The following RELN variants were observed in gnomAD, a reference collection of about 807,000 sequenced individuals.
RELN encodes the protein reelin.
In RELN, 108 loss-of-function variants were observed where a neutral mutation model predicts 427.6. That is an observed-to-expected ratio of 0.25 (90% confidence interval 0.22 to 0.30). The LOEUF (loss-of-function observed/expected upper bound fraction) is 0.30. RELN is among the 10% of genes least tolerant of loss of function. The pLI is 1.00. For synonymous variants in RELN, 1,524 were observed against 1,513.4 expected, an observed-to-expected ratio of 1.01 and a Z score of -0.16; for missense variants, 3,715 against 4,302.8, an observed-to-expected ratio of 0.86 and a Z score of 3.82.
chr7:103,681,992 A>T, intron 11 of RELN, 124 bp downstream of exon 11: 1 of 968,496 alleles, frequency 1.0e-6, no homozygotes, highest in Non-Finnish European at 1.7e-6. Flanking sequence ...TGGCTTGTCT[A>T]CGATAAGAAT....
chr7:103,498,308 A>C, intron 53 of RELN, 56 bp from the exon 54 acceptor site: 1 of 1,489,818 alleles, frequency 6.7e-7, no homozygotes, highest in Non-Finnish European at 9.4e-7. Context: ...TAACTATGGA[A>C]TATTTAAGAA....
chr7:103,888,609 A>G (rs1301781117), intron 2 of RELN, among the ~76,000 whole-genome samples: 10 of 151,982 alleles, frequency 6.6e-5, no homozygotes, highest in Admixed American at 6.6e-4. Flanking sequence ...AGTAAAGAAG[A>G]CTCCCTGGCA....
intron 2 of RELN, among the ~76,000 whole-genome samples, chr7:103,843,016 C>T (rs1793590879): frequency 1.3e-5 from 2 of 152,118 alleles, no homozygotes; most frequent in Admixed American, 6.5e-5. Flanking sequence ...GAACCTTGCT[C>T]ACTGCCAAGG....
At chr7:103,962,959 G>T (rs772905994) in intron 1 of RELN, among the ~76,000 whole-genome samples, 1 of 151,966 alleles carries the variant, frequency 6.6e-6, no homozygotes, top group Non-Finnish European at 1.5e-5. Flanking sequence ...CCTAAGCCAG[G>T]GAAGACACTG....
chr7:103,876,743 T>TA (rs1436265430), intron 2 of RELN, among the ~76,000 whole-genome samples: 4 of 151,770 alleles, frequency 2.6e-5, no homozygotes, highest in African/African-American at 7.3e-5. Context: ...ATTCAAAATA[T>TA]AAAAAAATTA....
At chr7:103,907,392 T>G (rs1366469724) in intron 2 of RELN, among the ~76,000 whole-genome samples, 1 of 102,278 alleles carries the variant, frequency 9.8e-6, no homozygotes, top group Non-Finnish European at 1.8e-5. Flanking sequence ...CACTCCAGCC[T>G]GGGCAACAAG....
intron 20 of RELN, among the ~76,000 whole-genome samples, chr7:103,623,989 T>C (rs1208691228): frequency 6.6e-6 from 1 of 152,190 alleles, no homozygotes; most frequent in Non-Finnish European, 1.5e-5. Context: ...TCTGTCACAT[T>C]ATTATATAAT....
At chr7:103,522,856 C>CT (rs1829742395) in intron 47 of RELN, among the ~76,000 whole-genome samples, 1 of 152,208 alleles carries the variant, frequency 6.6e-6, no homozygotes, top group Non-Finnish European at 1.5e-5. Flanking sequence ...CACACACCCC[C>CT]ACACCTTCAT....
intron 46 of RELN, among the ~76,000 whole-genome samples, chr7:103,530,670 C>T (rs116651022): frequency 5.4e-4 from 82 of 152,264 alleles, no homozygotes; most frequent in African/African-American, 1.9e-3. Flanking sequence ...TGTGCTTCCC[C>T]TAGGCCCATA....
chr7:103,475,606 T>C (rs1233836728), intron 64 of RELN, among the ~76,000 whole-genome samples: 1 of 152,224 alleles, frequency 6.6e-6, no homozygotes, highest in Non-Finnish European at 1.5e-5. Context: ...TATTTTGTTA[T>C]CTCAATGCAA....
intron 37 of RELN, among the ~76,000 whole-genome samples, 195 bp from the exon 38 acceptor site, chr7:103,557,354 A>G (rs1830548243): frequency 6.6e-6 from 1 of 152,214 alleles, no homozygotes; most frequent in Admixed American, 6.5e-5. Flanking sequence ...TACACACCAA[A>G]GCTTGGATTT....
At chr7:103,695,607 T>G (rs1330841209) in intron 10 of RELN, among the ~76,000 whole-genome samples, 2 of 152,022 alleles carry the variant, frequency 1.3e-5, no homozygotes, top group African/African-American at 4.8e-5. Context: ...GCTAATTAGA[T>G]TAGTGTAATG....
intron 4 of RELN, among the ~76,000 whole-genome samples, chr7:103,776,195 A>G (rs1791738086): frequency 6.6e-6 from 1 of 152,258 alleles, no homozygotes; most frequent in African/African-American, 2.4e-5. Context: ...AAATGTTAAA[A>G]GCAATAATCA....
At chr7:103,731,141 G>T (rs938155141) in intron 6 of RELN, among the ~76,000 whole-genome samples, 1 of 152,208 alleles carries the variant, frequency 6.6e-6, no homozygotes, top group Admixed American at 6.6e-5. Context: ...AGCATACACT[G>T]GTTGCGATGG....
intron 3 of RELN, among the ~76,000 whole-genome samples, chr7:103,786,204 G>T (rs1381378174): frequency 6.6e-6 from 1 of 151,958 alleles, no homozygotes; most frequent in African/African-American, 2.4e-5. Flanking sequence ...AAGTATTAAT[G>T]TGAAAATAAA....
At chr7:103,719,563 T>G (rs1362850203) in intron 8 of RELN, among the ~76,000 whole-genome samples, 1 of 151,122 alleles carries the variant, frequency 6.6e-6, no homozygotes, top group African/African-American at 2.5e-5. Context: ...CTCAAGCAAA[T>G]ACTGAGCACA....
chr7:103,970,314 TTG>T (rs1796738432), intron 1 of RELN, among the ~76,000 whole-genome samples: 1 of 151,840 alleles, frequency 6.6e-6, no homozygotes, highest in Non-Finnish European at 1.5e-5. Flanking sequence ...GGCTAATTTT[TTG>T]TGTTTTTAGA....
intron 18 of RELN, 26 bp downstream of exon 18, chr7:103,636,209 A>G: frequency 6.9e-7 from 1 of 1,448,732 alleles, no homozygotes; most frequent in Non-Finnish European, 9.7e-7. Flanking sequence ...TGGTTTTTGT[A>G]TGTATTCTAC....
intron 2 of RELN, among the ~76,000 whole-genome samples, chr7:103,857,023 T>C (rs1050156717): frequency 2.6e-5 from 4 of 152,120 alleles, no homozygotes; most frequent in African/African-American, 9.7e-5. Context: ...TAGGAGGAAG[T>C]AACTGTACCT....
Sources: gnomAD v4.1 joint callset for allele counts (sites outside exome capture counted in the v4.1 genomes callset) on GRCh38, gnomAD v4.1.1 for gene constraint, MANE v1.5 for transcripts, NCBI Gene and HGNC (gene_info 2026-07-23, HGNC 2026-07-21) for gene names.